Variants in RGS7 observed in about 807,000 individuals in gnomAD.
RGS7 encodes the protein regulator of G-protein signaling 7.
Under a neutral mutation model 81.1 loss-of-function variants are expected in RGS7, and 27 were observed. The observed-to-expected ratio is 0.33, with a 90% confidence interval of 0.25 to 0.46. The LOEUF is 0.46. Among genes scored for constraint, RGS7 ranks in the 20% least tolerant of loss-of-function variants. The pLI is 1.00. For missense variants in RGS7, 396 were observed against 607.4 expected (o/e 0.65, Z 3.66); for synonymous variants, 208 against 207.7 (o/e 1.00, Z -0.01).
chr1:241,237,996 C>G (rs189332178), intron 2 of RGS7, among the ~76,000 whole-genome samples: 8 of 152,168 alleles, frequency 5.3e-5, no homozygotes, highest in Non-Finnish European at 1.2e-4. Flanking sequence ...CCGCCAAGAC[C>G]GTCGCTGGGA....
At chr1:240,793,520 G>A (rs1241220201) in intron 18 of RGS7, among the ~76,000 whole-genome samples, 1 of 149,252 alleles carries the variant, frequency 6.7e-6, no homozygotes, top group Admixed American at 6.7e-5. Flanking sequence ...ATGCTTGCTG[G>A]TAATATCTAT....
At chr1:241,263,807 T>C (rs1284886511) in intron 2 of RGS7, among the ~76,000 whole-genome samples, 1 of 152,150 alleles carries the variant, frequency 6.6e-6, no homozygotes, top group Middle Eastern at 3.2e-3. Flanking sequence ...ATTTACCAAA[T>C]TGTTGCATAT....
intron 2 of RGS7, among the ~76,000 whole-genome samples, chr1:241,264,550 A>G (rs2077491172): frequency 6.6e-6 from 1 of 152,176 alleles, no homozygotes; most frequent in Admixed American, 6.5e-5. Flanking sequence ...CCTGAACGTC[A>G]TGTTTTCAAG....
In RGS7 at chr1:241,267,843, C is replaced by T. The variant is rs544122468; in HGVS notation, c.78+87856G>A. Among the ~76,000 whole-genome samples, 14 of 152,280 alleles carry T rather than the reference C, an allele frequency of 9.2e-5. No homozygotes were observed. The South Asian group carries it at 2.1e-3, about 23-fold the overall frequency. On this transcript the variant is annotated intron_variant, in intron 2 of 18. Transcript: ENST00000440928. ...GTTATCTCTCCAAGGATATTAACTA[C>T]GAGGTTTTTGAAGCATTCTTTTTTT...
At chr1:241,355,572 A>T in intron 2 of RGS7, 127 bp downstream of exon 2, 1 of 832,600 alleles carries the variant, frequency 1.2e-6, no homozygotes, top group Non-Finnish European at 2.1e-6. Flanking sequence ...CGTATATAGT[A>T]CATAATCACT....
At chr1:240,796,446 G>C (rs1687075904) in intron 18 of RGS7, among the ~76,000 whole-genome samples, 1 of 152,166 alleles carries the variant, frequency 6.6e-6, no homozygotes, top group South Asian at 2.1e-4. Flanking sequence ...AGTAGTTTGG[G>C]AAGCTGAGGT....
At chr1:241,104,244 ATCC>A (rs2064960835) in intron 2 of RGS7, among the ~76,000 whole-genome samples, 2 of 152,154 alleles carry the variant, frequency 1.3e-5, no homozygotes, top group Non-Finnish European at 2.9e-5. Flanking sequence ...GAAGATACGG[ATCC>A]TTTTTCTTTT....
intron 2 of RGS7, among the ~76,000 whole-genome samples, chr1:241,156,110 T>G (rs575328678): frequency 4.7e-5 from 7 of 149,320 alleles, no homozygotes; most frequent in African/African-American, 1.7e-4. Flanking sequence ...ACACCTGAGA[T>G]AGAGGATAGA....
At chr1:241,200,580 G>A (rs933855889) in intron 2 of RGS7, among the ~76,000 whole-genome samples, 1 of 152,078 alleles carries the variant, frequency 6.6e-6, no homozygotes, top group Non-Finnish European at 1.5e-5. Flanking sequence ...TTTTTCTCAT[G>A]TGGAAACTAA....
At chr1:240,803,806 G>A (rs1572161459) in intron 15 of RGS7, among the ~76,000 whole-genome samples, 1 of 152,010 alleles carries the variant, frequency 6.6e-6, no homozygotes, top group East Asian at 1.9e-4. Context: ...GTTAGGTGTA[G>A]AGCTTGGAAC....
At chr1:241,312,528 G>A (rs2148563045) in intron 2 of RGS7, among the ~76,000 whole-genome samples, 1 of 152,192 alleles carries the variant, frequency 6.6e-6, no homozygotes, top group South Asian at 2.1e-4. Context: ...GGTGATCTGT[G>A]ATCAGTGATC....
At chr1:240,879,002 G>A (rs1425236134) in intron 6 of RGS7, among the ~76,000 whole-genome samples, 1 of 152,116 alleles carries the variant, frequency 6.6e-6, no homozygotes. Context: ...TGGTATCAAA[G>A]GGTTGTGGCG....
intron 6 of RGS7, among the ~76,000 whole-genome samples, chr1:240,900,994 C>T (rs1669907648): frequency 6.6e-6 from 1 of 152,178 alleles, no homozygotes; most frequent in Non-Finnish European, 1.5e-5. Flanking sequence ...TCAGCAGTGG[C>T]AGACACCCCT....
At position 240,776,185 on chromosome 1, in the gene RGS7, G is replaced by T; in HGVS notation, c.*35C>A. Reference sequence around the variant, plus strand: ...CGTTTAGTAAGACTGAGCAAGGCTTGTTAACCTCTTGGACGTGAGAGATTT... The same window carrying T: ...CGTTTAGTAAGACTGAGCAAGGCTTTTTAACCTCTTGGACGTGAGAGATTT... On this transcript the variant is annotated 3_prime_UTR_variant, in exon 19 of 19. Coordinates refer to ENST00000440928, the MANE Select transcript of RGS7 (RefSeq NM_001364886.1). The T allele has an allele frequency of 6.2e-7, 1 of 1,612,048 alleles. No homozygotes were observed. The highest frequency in any genetic ancestry group is 1.1e-5 in the South Asian group (1 of 91,026).
intron 2 of RGS7, among the ~76,000 whole-genome samples, chr1:241,305,294 T>G (rs1307310667): frequency 6.6e-6 from 1 of 152,196 alleles, no homozygotes; most frequent in Non-Finnish European, 1.5e-5. Flanking sequence ...AATTCTGAAC[T>G]CCACATCATA....
At position 240,986,571 on chromosome 1, in the gene RGS7, ATTTTTTTTTTT is replaced by A. The variant is rs1172119682; in HGVS notation, c.176-3453_176-3443del. Among the ~76,000 whole-genome samples the A allele has an allele frequency of 4.6e-4, 2 of 4,342 alleles. 1 individual carries two copies. Among genetic ancestry groups the A allele is most frequent in the Non-Finnish European group, 7.5e-4 (2 of 2,664 alleles). The allele number at this position is 4,342 out of a possible 152,430, so 2.8% of individuals were successfully genotyped here. ...GGCATGTAATTTAAACACCACTATT[ATTTTTTTTTTT>A]TTTTTTTTTTTTTTTTTTTGAGACG... is the stretch of plus-strand genomic sequence containing the variant. On this transcript the variant is annotated intron_variant, in intron 3 of 18. Transcript: ENST00000440928.
At chr1:240,860,166 TCTG>T (rs1205951596) in intron 9 of RGS7, among the ~76,000 whole-genome samples, 4 of 152,208 alleles carry the variant, frequency 2.6e-5, no homozygotes, top group Admixed American at 6.5e-5. Flanking sequence ...GAACGTGTAT[TCTG>T]CTGCTGTTGT....
intron 2 of RGS7, among the ~76,000 whole-genome samples, chr1:241,244,724 A>C (rs1168756895): frequency 6.6e-6 from 1 of 152,064 alleles, no homozygotes; most frequent in African/African-American, 2.4e-5. Flanking sequence ...CAACAATGAT[A>C]GACTGGATTA....
At chr1:240,889,939 T>C (rs1668012933) in intron 6 of RGS7, among the ~76,000 whole-genome samples, 1 of 152,098 alleles carries the variant, frequency 6.6e-6, no homozygotes, top group African/African-American at 2.4e-5. Context: ...AAAAGCTGAT[T>C]TTACAGGGAT....
Sources: allele counts gnomAD v4.1 joint callset (sites outside exome capture counted in the v4.1 genomes callset), GRCh38; gene constraint gnomAD v4.1.1; transcripts MANE v1.5; gene names NCBI Gene and HGNC (gene_info 2026-07-23, HGNC 2026-07-21).